SLC8A1: variants seen among roughly 807,000 people sequenced by gnomAD.
The protein encoded by SLC8A1 is solute carrier family 8 member A1.
Under a neutral mutation model 68.3 loss-of-function variants are expected in SLC8A1, and 18 were observed. The ratio of observed to expected loss-of-function variants is 0.26; its 90% CI spans 0.18 to 0.39. SLC8A1 has a LOEUF of 0.39. Among genes scored for constraint, SLC8A1 ranks in the 10% least tolerant of loss-of-function variants. The probability of loss-of-function intolerance (pLI) is 1.00; values close to 1 mark genes in which losing one functional copy is unlikely to be tolerated. For synonymous variants in SLC8A1, 475 were observed against 415.5 expected (o/e 1.14, Z -1.74); for missense variants, 985 against 1,156.7 (o/e 0.85, Z 2.15).
rs190709793 is a variant in SLC8A1, at chr2:40,306,965, T to C, written c.1808+121508A>G. 2.6e-5 allele frequency among the ~76,000 whole-genome samples: 4 copies of C among 152,246 alleles called. No homozygotes were observed. The East Asian group carries it at 7.7e-4, about 29-fold the overall frequency. On this transcript the variant is annotated intron_variant, in intron 2 of 7. Coordinates refer to ENST00000406785, the Ensembl canonical transcript of SLC8A1. Reference sequence around the variant, plus strand: ...ATAGTAAAGGCTTGTTCTGTTTTAGTCCATAAGTTGAAAAAAATCAATATA... The same window carrying C: ...ATAGTAAAGGCTTGTTCTGTTTTAGCCCATAAGTTGAAAAAAATCAATATA...
At chr2:40,287,746 G>T (rs139150797) in intron 2 of SLC8A1, among the ~76,000 whole-genome samples, 11 of 152,000 alleles carry the variant, frequency 7.2e-5, no homozygotes, top group African/African-American at 2.7e-4. Flanking sequence ...CTGGCATGGG[G>T]CTCTGCAAGC....
In SLC8A1 at chr2:40,386,475, T is replaced by C. The variant is rs930517282; in HGVS notation, c.1808+41998A>G. 2.7e-5 allele frequency among the ~76,000 whole-genome samples: 4 copies of C among 150,558 alleles called. 1 individual carries two copies. Among genetic ancestry groups the C allele is most frequent in the African/African-American group, 9.9e-5 (4 of 40,442 alleles). On this transcript the variant is annotated intron_variant, in intron 2 of 7. Coordinates refer to ENST00000406785, the Ensembl canonical transcript of SLC8A1. The stretch of plus-strand genomic sequence containing the variant: ...TTAATCTCACCAAAGAATGAATGCA[T>C]GAAAAATAAAGCCTAAAGCTATTTT...
intron 6 of SLC8A1, among the ~76,000 whole-genome samples, chr2:40,140,878 T>C (rs1192623795): frequency 6.6e-6 from 1 of 152,152 alleles, no homozygotes; most frequent in Non-Finnish European, 1.5e-5. Flanking sequence ...ATATTATCAG[T>C]GTACAAAGAA....
At chr2:40,473,986 C>T (rs1272603897) in intron 1 of SLC8A1, among the ~76,000 whole-genome samples, 1 of 152,146 alleles carries the variant, frequency 6.6e-6, no homozygotes, top group Non-Finnish European at 1.5e-5. Context: ...GTAACTTCCA[C>T]AAATCGTAGT....
intron 2 of SLC8A1, among the ~76,000 whole-genome samples, chr2:40,204,459 T>C (rs557996228): frequency 1.3e-5 from 2 of 152,138 alleles, no homozygotes; most frequent in African/African-American, 2.4e-5. Context: ...TGACTACACA[T>C]TTCTGCCCTT....
intron 2 of SLC8A1, among the ~76,000 whole-genome samples, chr2:40,248,188 A>G (rs2062162515): frequency 1.3e-5 from 2 of 152,342 alleles, no homozygotes; most frequent in South Asian, 4.1e-4. Context: ...CTATGGATTA[A>G]AAATAAAGTA....
At chr2:40,150,237 C>T (rs534668809) in intron 6 of SLC8A1, among the ~76,000 whole-genome samples, 4 of 152,156 alleles carry the variant, frequency 2.6e-5, no homozygotes, top group East Asian at 1.9e-4. Flanking sequence ...TTGGTTCACG[C>T]GAGTGGCTTT....
At chr2:40,325,113 GAA>G (rs147527976) in intron 2 of SLC8A1, among the ~76,000 whole-genome samples, 2 of 144,388 alleles carry the variant, frequency 1.4e-5, no homozygotes, top group African/African-American at 5.1e-5. Flanking sequence ...AGTCTGTAGA[GAA>G]AAAAAAAAAC....
At chr2:40,343,387 TGAAGTCACTTGGAATTCTAA>T (rs1026877645) in intron 2 of SLC8A1, among the ~76,000 whole-genome samples, 33 of 152,300 alleles carry the variant, frequency 2.2e-4, no homozygotes, top group African/African-American at 5.8e-4. Context: ...TAATCATCTC[TGAAGTCACTTGGAATTCTAA>T]GAAGTCACTT....
intron 2 of SLC8A1, among the ~76,000 whole-genome samples, chr2:40,385,266 G>C (rs1472112999): frequency 6.6e-6 from 1 of 151,838 alleles, no homozygotes; most frequent in African/African-American, 2.4e-5. Flanking sequence ...TTCTAATCAA[G>C]TTTTATAAGG....
At chr2:40,262,501 T>C (rs935283577) in intron 2 of SLC8A1, among the ~76,000 whole-genome samples, 3 of 152,208 alleles carry the variant, frequency 2.0e-5, no homozygotes, top group Non-Finnish European at 4.4e-5. Flanking sequence ...AAACAACAAA[T>C]GAGCGAAATT....
At chr2:40,430,875 T>C (rs1698128459) in intron 1 of SLC8A1, among the ~76,000 whole-genome samples, 1 of 152,164 alleles carries the variant, frequency 6.6e-6, no homozygotes, top group Non-Finnish European at 1.5e-5. Context: ...TCTTACACTG[T>C]ATTTCATGAA....
At chr2:40,367,121 C>T (rs568671663) in intron 2 of SLC8A1, among the ~76,000 whole-genome samples, 2 of 151,942 alleles carry the variant, frequency 1.3e-5, no homozygotes, top group African/African-American at 2.4e-5. Flanking sequence ...CCTAGAGAGG[C>T]CAGCCCCCAA....
At chr2:40,378,307 A>G (rs1486823924) in intron 2 of SLC8A1, among the ~76,000 whole-genome samples, 2 of 152,162 alleles carry the variant, frequency 1.3e-5, no homozygotes, top group South Asian at 2.1e-4. Flanking sequence ...CCTGAAGACA[A>G]GAAGGGAGTG....
intron 2 of SLC8A1, among the ~76,000 whole-genome samples, chr2:40,281,743 G>T (rs1311947135): frequency 6.6e-6 from 1 of 152,212 alleles, no homozygotes; most frequent in Non-Finnish European, 1.5e-5. Flanking sequence ...TTTTAAGGAA[G>T]TAGAGCAGAG....
At chr2:40,185,278 A>G (rs946657386) in intron 2 of SLC8A1, among the ~76,000 whole-genome samples, 1 of 152,232 alleles carries the variant, frequency 6.6e-6, no homozygotes. Flanking sequence ...TATTCACACA[A>G]AAACTTGTGC....
chr2:40,350,962 A>G (rs1378356775), intron 2 of SLC8A1, among the ~76,000 whole-genome samples: 1 of 152,188 alleles, frequency 6.6e-6, no homozygotes, highest in Non-Finnish European at 1.5e-5. Context: ...TATATGGCAG[A>G]GCTGAGAAAT....
intron 2 of SLC8A1, among the ~76,000 whole-genome samples, chr2:40,339,161 T>G (rs1308961363): frequency 6.6e-6 from 1 of 152,204 alleles, no homozygotes; most frequent in African/African-American, 2.4e-5. Flanking sequence ...TCATGTTTCT[T>G]TTAGTTCTTA....
chr2:40,451,794 AG>A, intron 1 of SLC8A1, 109 bp downstream of exon 1: 1 of 142,180 alleles, frequency 7.0e-6, no homozygotes, highest in East Asian at 2.0e-4. Context: ...CAAATTTAGA[AG>A]CCGCTCGTTT....
Sources: allele counts gnomAD v4.1 joint callset (sites outside exome capture counted in the v4.1 genomes callset), GRCh38; gene constraint gnomAD v4.1.1; transcripts MANE v1.5; gene names NCBI Gene and HGNC (gene_info 2026-07-23, HGNC 2026-07-21).